Variants in RIT2 observed in about 807,000 individuals in gnomAD.
The protein encoded by RIT2 is GTP-binding protein Rit2.
A neutral mutation model predicts 23.7 loss-of-function variants in RIT2; 24 were observed. The ratio of observed to expected loss-of-function variants is 1.01; its 90% confidence interval spans 0.73 to 1.43. RIT2 has a LOEUF of 1.43. Among genes scored for constraint, RIT2 ranks in the 40% most tolerant of loss-of-function variants. The pLI is 0.00. For missense variants in RIT2, 236 were observed against 266.9 expected (o/e 0.88, Z 0.81); for synonymous variants, 107 against 91.1 (o/e 1.17, Z -0.99).
intron 4 of RIT2, among the ~76,000 whole-genome samples, chr18:42,785,681 G>A (rs1335191803): frequency 2.0e-5 from 3 of 152,120 alleles, no homozygotes; most frequent in Non-Finnish European, 4.4e-5. Context: ...TTGTGTGTCA[G>A]CAATCTCACT....
chr18:43,019,255 A>AAG (rs1911542327), intron 2 of RIT2, among the ~76,000 whole-genome samples: 1 of 152,060 alleles, frequency 6.6e-6, no homozygotes, highest in Non-Finnish European at 1.5e-5. Flanking sequence ...GCAGGCCAAT[A>AAG]TCCCTAAAAA....
chr18:42,762,953 A>G (rs895914410), intron 4 of RIT2, among the ~76,000 whole-genome samples: 1 of 152,220 alleles, frequency 6.6e-6, no homozygotes, highest in Non-Finnish European at 1.5e-5. Context: ...GAGATGTGCC[A>G]TAAGTCAATT....
intron 2 of RIT2, among the ~76,000 whole-genome samples, chr18:42,989,767 A>C (rs1317558669): frequency 1.3e-5 from 2 of 152,190 alleles, no homozygotes; most frequent in African/African-American, 4.8e-5. Flanking sequence ...ATTCTTTCAC[A>C]GCTCTTCGTG....
chr18:42,954,582 T>G (rs1249663455), intron 3 of RIT2, among the ~76,000 whole-genome samples: 1 of 152,058 alleles, frequency 6.6e-6, no homozygotes, highest in Non-Finnish European at 1.5e-5. Flanking sequence ...CTCCATATAA[T>G]GTAGACTTGA....
chr18:42,766,678 G>A (rs1301666771), intron 4 of RIT2, among the ~76,000 whole-genome samples: 3 of 152,192 alleles, frequency 2.0e-5, no homozygotes, highest in African/African-American at 7.2e-5. Context: ...AACCATGGGG[G>A]AAAATGTCTC....
chr18:42,980,298 A>G (rs1005784445), intron 2 of RIT2, among the ~76,000 whole-genome samples: 4 of 152,232 alleles, frequency 2.6e-5, no homozygotes, highest in East Asian at 3.9e-4. Context: ...TCATGCTGTA[A>G]TATTGAGAAT....
chr18:43,110,822 C>A (rs1313969464), intron 1 of RIT2, among the ~76,000 whole-genome samples: 5 of 151,894 alleles, frequency 3.3e-5, no homozygotes, highest in Non-Finnish European at 7.4e-5. Context: ...AAGTAGTTTT[C>A]TCGTCATGAG....
chr18:42,902,467 T>C (rs1173418796), intron 4 of RIT2, among the ~76,000 whole-genome samples: 1 of 151,724 alleles, frequency 6.6e-6, no homozygotes, highest in Admixed American at 6.6e-5. Flanking sequence ...TTCTTGGGTA[T>C]AATGTTTACA....
At chr18:42,744,262 A>T (rs1912867454) in intron 4 of RIT2, among the ~76,000 whole-genome samples, 1 of 152,188 alleles carries the variant, frequency 6.6e-6, no homozygotes, top group Non-Finnish European at 1.5e-5. Flanking sequence ...TTGCTCACAC[A>T]AAGCCTGTTT....
chr18:42,933,083 G>T (rs998000186), intron 3 of RIT2, among the ~76,000 whole-genome samples: 1 of 152,016 alleles, frequency 6.6e-6, no homozygotes, highest in African/African-American at 2.4e-5. Flanking sequence ...TTGCTTGGTA[G>T]ATTTTTAACA....
intron 4 of RIT2, among the ~76,000 whole-genome samples, chr18:42,886,185 A>G (rs993902852): frequency 1.9e-4 from 29 of 152,340 alleles, no homozygotes; most frequent in African/African-American, 7.0e-4. Flanking sequence ...GTAAATTTTG[A>G]AATACATTTC....
chr18:42,743,407 A>G lies in RIT2; in HGVS notation c.*86T>C. Reference sequence around the variant, plus strand: ...TATTTAAAGAGAGAGAGACACATAGAGAGATAATATTGAAGCAGAATGCTA... The same window carrying G: ...TATTTAAAGAGAGAGAGACACATAGGGAGATAATATTGAAGCAGAATGCTA... On this transcript the variant is annotated 3_prime_UTR_variant, in exon 5 of 5. Coordinates refer to ENST00000326695, the MANE Select transcript of RIT2 (RefSeq NM_002930.4). The G allele has an allele frequency of 1.1e-6, 1 of 941,422 alleles. No homozygotes were observed. Among genetic ancestry groups the G allele is most frequent in the Admixed American group, 1.9e-5 (1 of 53,666 alleles). 58.3% of individuals were successfully genotyped at this position (941,422 alleles called of 1,614,324 possible).
intron 1 of RIT2, among the ~76,000 whole-genome samples, chr18:43,072,882 A>G (rs1285326833): frequency 6.6e-6 from 1 of 152,132 alleles, no homozygotes; most frequent in African/African-American, 2.4e-5. Context: ...AACACTTACT[A>G]GGTGTGGGAT....
intron 3 of RIT2, among the ~76,000 whole-genome samples, chr18:42,959,905 T>G (rs900577287): frequency 1.3e-5 from 2 of 152,310 alleles, no homozygotes; most frequent in South Asian, 4.1e-4. Context: ...AGTTGGTATG[T>G]CTTAACTGAA....
At chr18:43,025,957 G>C (rs981644970) in intron 2 of RIT2, among the ~76,000 whole-genome samples, 20 of 150,508 alleles carry the variant, frequency 1.3e-4, no homozygotes, top group African/African-American at 4.8e-4. Context: ...AAACAAAACT[G>C]CATTATTACC....
At position 43,008,090 on chromosome 18, in the gene RIT2, T is replaced by C. The variant is rs191365224; in HGVS notation, c.160+25721A>G. Among the ~76,000 whole-genome samples, 8 of 151,780 alleles carry C rather than the reference T, an allele frequency of 5.3e-5. No individual in the cohort carries two copies. The East Asian group carries it at 1.4e-3, about 26-fold the overall frequency. ...CTTTCCACAAAATACCAAATCTGAA[T>C]GTGGCTAAATCTTTAGCTCCAACTA... is the stretch of plus-strand genomic sequence containing the variant. On this transcript the variant is annotated intron_variant, in intron 2 of 4. Transcript: ENST00000326695.
At chr18:43,076,543 T>A (rs986424965) in intron 1 of RIT2, among the ~76,000 whole-genome samples, 1 of 151,914 alleles carries the variant, frequency 6.6e-6, no homozygotes, top group African/African-American at 2.4e-5. Context: ...AAAAAAGGTA[T>A]AATATGAAAT....
intron 4 of RIT2, among the ~76,000 whole-genome samples, chr18:42,829,577 G>T (rs1291553471): frequency 6.6e-6 from 1 of 152,118 alleles, no homozygotes; most frequent in African/African-American, 2.4e-5. Flanking sequence ...AAAGGACAGA[G>T]AAAAGGTCCA....
chr18:42,974,040 T>G (rs1405505093), intron 3 of RIT2, 34 bp downstream of exon 3: 2 of 1,433,142 alleles, frequency 1.4e-6, no homozygotes, highest in Admixed American at 3.6e-5. Context: ...TAAAATAAAC[T>G]CAGAGATTGG....
Sources: allele counts gnomAD v4.1 joint callset (sites outside exome capture counted in the v4.1 genomes callset), GRCh38; gene constraint gnomAD v4.1.1; transcripts MANE v1.5; gene names NCBI Gene and HGNC (gene_info 2026-07-23, HGNC 2026-07-21).